The following RANBP2 variants were observed in gnomAD, a reference collection of about 807,000 sequenced individuals.
RANBP2 encodes the protein RAN binding protein 2, also known as E3 SUMO-protein ligase RanBP2.
In RANBP2, 57 loss-of-function variants were observed where a neutral mutation model predicts 303.6. The observed-to-expected ratio is 0.19, with a 90% CI of 0.15 to 0.23. The LOEUF (loss-of-function observed/expected upper bound fraction) is 0.23, where lower values mean the gene tolerates loss of function less well. Ranked by LOEUF, RANBP2 falls within the 10% of genes least tolerant of loss-of-function variation. The pLI is 1.00. For missense variants in RANBP2, 3,138 were observed against 3,780.8 expected (o/e 0.83, Z 4.46); for synonymous variants, 1,167 against 1,301.5 (o/e 0.90, Z 2.23).
chr2:109,641,808 AT>A, the RANBP2 span, among the ~76,000 whole-genome samples: 71 of 151,812 alleles, frequency 4.7e-4, no homozygotes, highest in African/African-American at 1.6e-3. Context: ...ATGTGAATGT[AT>A]TTTATTTTAT....
the RANBP2 span, among the ~76,000 whole-genome samples, chr2:108,961,802 G>A: frequency 6.6e-6 from 1 of 152,118 alleles, no homozygotes; most frequent in South Asian, 2.1e-4. Context: ...CTGCTCTCTC[G>A]TGACCTGAGC....
At chr2:109,088,562 G>C in the RANBP2 span, among the ~76,000 whole-genome samples, 15 of 152,042 alleles carry the variant, frequency 9.9e-5, no homozygotes, top group South Asian at 2.7e-3. Context: ...TCCCAGGCTG[G>C]AGTGCAGTGG....
the RANBP2 span, among the ~76,000 whole-genome samples, chr2:109,056,289 G>A: frequency 6.6e-6 from 1 of 152,146 alleles, no homozygotes; most frequent in Non-Finnish European, 1.5e-5. Flanking sequence ...GCCTCAGCCT[G>A]TGGAGTAACT....
chr2:108,844,186 C>T, the RANBP2 span, among the ~76,000 whole-genome samples: 4 of 151,996 alleles, frequency 2.6e-5, no homozygotes, highest in Non-Finnish European at 5.9e-5. Context: ...TCAGCCCTAC[C>T]TGATTTTTCC....
the RANBP2 span, among the ~76,000 whole-genome samples, chr2:109,183,911 C>A: frequency 1.3e-5 from 2 of 152,202 alleles, no homozygotes; most frequent in African/African-American, 4.8e-5. Flanking sequence ...ATCCCAGAGA[C>A]CTGTGCCCCC....
At chr2:108,857,847 T>C in the RANBP2 span, among the ~76,000 whole-genome samples, 1 of 152,206 alleles carries the variant, frequency 6.6e-6, no homozygotes, top group Non-Finnish European at 1.5e-5. Flanking sequence ...CAGATGCAAA[T>C]GTGTATTCAT....
chr2:109,260,665 G>A, the RANBP2 span, among the ~76,000 whole-genome samples: 1 of 152,184 alleles, frequency 6.6e-6, no homozygotes, highest in East Asian at 1.9e-4. Flanking sequence ...GGCCAATGGA[G>A]GCCCATGGGA....
At chr2:108,918,138 C>T in the RANBP2 span, among the ~76,000 whole-genome samples, 1 of 152,212 alleles carries the variant, frequency 6.6e-6, no homozygotes, top group Non-Finnish European at 1.5e-5. Context: ...CCCACCATGT[C>T]CACTCCTTCC....
At chr2:109,079,785 T>C in the RANBP2 span, among the ~76,000 whole-genome samples, 38 of 152,300 alleles carry the variant, frequency 2.5e-4, no homozygotes, top group African/African-American at 8.9e-4. Context: ...GGAAGGGGAT[T>C]CCTGATGTGA....
chr2:109,399,074 G>T, the RANBP2 span: 2 of 1,104,632 alleles, frequency 1.8e-6, no homozygotes, highest in Non-Finnish European at 2.5e-6. Flanking sequence ...GGTTGAGTGG[G>T]GTTTGCCCTT....
At chr2:108,972,449 G>T in the RANBP2 span, among the ~76,000 whole-genome samples, 7 of 152,214 alleles carry the variant, frequency 4.6e-5, no homozygotes, top group African/African-American at 1.7e-4. Context: ...TCATGCCAAC[G>T]TGCCAGACAC....
At chr2:109,585,801 T>C in the RANBP2 span, 1 of 1,613,646 alleles carries the variant, frequency 6.2e-7, no homozygotes, top group Non-Finnish European at 8.5e-7. Context: ...AAAACCAACA[T>C]GGCCAGACAT....
the RANBP2 span, among the ~76,000 whole-genome samples, chr2:109,326,556 C>A: frequency 2.0e-5 from 3 of 152,070 alleles, no homozygotes; most frequent in African/African-American, 7.2e-5. Context: ...TGTGAAATGG[C>A]ATCTCATTGT....
At chr2:109,525,053 G>A in the RANBP2 span, among the ~76,000 whole-genome samples, 3 of 150,880 alleles carry the variant, frequency 2.0e-5, no homozygotes, top group Non-Finnish European at 2.9e-5. Flanking sequence ...ACTTTCCCAT[G>A]GTGGGCATTT....
chr2:109,491,110 G>A, the RANBP2 span, among the ~76,000 whole-genome samples: 3 of 152,210 alleles, frequency 2.0e-5, no homozygotes, highest in East Asian at 5.8e-4. Context: ...TGGATGAAAC[G>A]AGTCTGGGAA....
chr2:109,056,971 T>C, the RANBP2 span, among the ~76,000 whole-genome samples: 31 of 152,334 alleles, frequency 2.0e-4, no homozygotes, highest in Non-Finnish European at 3.8e-4. Context: ...GACAGAAAAT[T>C]GCAATGTTCC....
At chr2:109,342,790 G>A in the RANBP2 span, among the ~76,000 whole-genome samples, 5 of 152,340 alleles carry the variant, frequency 3.3e-5, no homozygotes, top group East Asian at 1.9e-4. Flanking sequence ...CCATCTCCAC[G>A]GGTAGGACAT....
the RANBP2 span, among the ~76,000 whole-genome samples, chr2:109,190,201 C>T: frequency 5.3e-5 from 8 of 151,322 alleles, no homozygotes; most frequent in East Asian, 9.7e-4. Context: ...GAGACGGAGT[C>T]TCACTCTTAT....
the RANBP2 span, among the ~76,000 whole-genome samples, chr2:109,346,325 G>A: frequency 6.6e-6 from 1 of 152,160 alleles, no homozygotes; most frequent in South Asian, 2.1e-4. Flanking sequence ...AATGTAGAAT[G>A]ATTGAGTTGC....
Sources: gnomAD v4.1 joint callset for allele counts (sites outside exome capture counted in the v4.1 genomes callset) on GRCh38, gnomAD v4.1.1 for gene constraint, MANE v1.5 for transcripts, NCBI Gene and HGNC (gene_info 2026-07-23, HGNC 2026-07-21) for gene names.